The following LOXL4 variants were observed in gnomAD, a reference collection of about 807,000 sequenced individuals.
The protein encoded by LOXL4 is lysyl oxidase homolog 4.
In LOXL4, 72 loss-of-function variants were observed where a neutral mutation model predicts 89.1. The observed-to-expected ratio is 0.81, with a 90% CI of 0.67 to 0.98. LOXL4 has a LOEUF of 0.98. LOXL4 is among the 50% of genes least tolerant of loss of function. LOXL4 has a pLI of 0.00. For synonymous variants in LOXL4, 355 were observed against 392.1 expected (o/e 0.91, Z 1.12); for missense variants, 984 against 1,017.5 (o/e 0.97, Z 0.45).
At position 98,253,667 on chromosome 10, in the gene LOXL4, C is replaced by G. The variant is rs1858272064; in HGVS notation, c.1721G>C (p.Trp574Ser). ...CAATAGGCGGCGGTATCCGTAGGGC[C>G]AGTCCATGTGATCCGCAGACTTGGA... ...CLSKSADHMDWPYGYRRLLRF... is the reference protein window; with the variant it reads ...CLSKSADHMDSPYGYRRLLRF... The change falls in exon 11 of 15, where the codon TGG (tryptophan) becomes TCG (serine). Residue 574 changes from tryptophan (W) to serine (S), a missense_variant. Physicochemically the swap from Trp to Ser is radical, Grantham distance 177. Transcript: ENST00000260702. 1.9e-6 allele frequency: 3 copies of G among 1,614,268 alleles called. 1 individual carries two copies.
In LOXL4 at chr10:98,253,616, A is replaced by G. The variant is rs763665775; in HGVS notation, c.1772T>C (p.Leu591Pro). 6.8e-6 allele frequency: 11 copies of G among 1,614,262 alleles called. No homozygotes were observed. Among genetic ancestry groups the G allele is most frequent in the South Asian group, 1.1e-5 (1 of 91,084 alleles). The change falls in exon 11 of 15, where the codon CTG becomes CCG. Residue 591 changes from leucine to proline, a missense_variant. By Grantham distance (98) the Leu-to-Pro change is moderately conservative. Coordinates refer to ENST00000260702, the MANE Select transcript of LOXL4 (RefSeq NM_032211.7). ...LLRFSTQIYN[L>P]GRTDFRPKTG... ...CTTTGGACGAAAGTCAGTCCGGCCC[A>G]GATTGTAGATCTGTGTGGAGAAGCG...
intron 14 of LOXL4, among the ~76,000 whole-genome samples, chr10:98,250,703 G>A (rs756904227): frequency 7.9e-5 from 12 of 152,182 alleles, no homozygotes; most frequent in Middle Eastern, 3.2e-3. Context: ...TGCCTGTGAG[G>A]ACCCTAACCC....
chr10:98,262,329 G>T, intron 2 of LOXL4, 116 bp from the exon 3 acceptor site: 1 of 1,099,672 alleles, frequency 9.1e-7, no homozygotes, highest in Non-Finnish European at 1.3e-6. Context: ...GGAGAAAGTG[G>T]CAGGGAGGAG....
chr10:98,250,290 G>C (rs1470650951), intron 14 of LOXL4, among the ~76,000 whole-genome samples: 2 of 152,156 alleles, frequency 1.3e-5, no homozygotes, highest in Non-Finnish European at 2.9e-5. Flanking sequence ...TTCTGTCTGT[G>C]CTTGCTCAGC....
At chr10:98,266,723 C>G (rs1327869981) in intron 1 of LOXL4, among the ~76,000 whole-genome samples, 3 of 152,148 alleles carry the variant, frequency 2.0e-5, no homozygotes, top group Non-Finnish European at 2.9e-5. Flanking sequence ...CTCCCAGCCT[C>G]CAAGCCTTTG....
chr10:98,263,023 G>A lies in LOXL4; in HGVS notation c.-4C>T, dbSNP rs761688892. On this transcript the variant is annotated 5_prime_UTR_variant, in exon 2 of 15. Coordinates refer to ENST00000260702, the MANE Select transcript of LOXL4 (RefSeq NM_032211.7). The stretch of plus-strand genomic sequence containing the variant: ...TGGCTGGTGGGGACCACGCCATGGT[G>A]ACTTCAAGGACAGCTGAGGCCAAGA... 1.2e-6 allele frequency: 2 copies of A among 1,611,430 alleles called. No individual in the cohort carries two copies. The highest frequency in any genetic ancestry group is 2.7e-5 in the African/African-American group (2 of 74,892).
At chr10:98,261,221 G>A (rs1858531391) in intron 3 of LOXL4, 94 bp from the exon 4 acceptor site, 2 of 1,363,268 alleles carry the variant, frequency 1.5e-6, no homozygotes, top group Admixed American at 1.9e-5. Context: ...GGGGCTTGGA[G>A]CTTTTCGAGA....
intron 6 of LOXL4, among the ~76,000 whole-genome samples, chr10:98,258,697 A>G (rs1283987002): frequency 6.6e-6 from 1 of 152,082 alleles, no homozygotes; most frequent in African/African-American, 2.4e-5. Flanking sequence ...CTCCTCTTTA[A>G]AACAAAGGAG....
chr10:98,259,648 A>C (rs903288337), intron 4 of LOXL4, among the ~76,000 whole-genome samples: 1 of 152,236 alleles, frequency 6.6e-6, no homozygotes, highest in Non-Finnish European at 1.5e-5. Context: ...TCCCTCGGCC[A>C]GTCCTAGAGT....
chr10:98,255,748 ACAGC>A lies in LOXL4; in HGVS notation c.1429-13_1429-10del, dbSNP rs1284778773. 8 of 1,606,388 alleles carry A rather than the reference ACAGC, an allele frequency of 5.0e-6. No individual in the cohort carries two copies. The highest frequency in any genetic ancestry group is 6.8e-6 in the Non-Finnish European group (8 of 1,173,812). On this transcript the variant is annotated splice_polypyrimidine_tract_variant and intron_variant, in intron 9 of 14. Transcript: ENST00000260702. ...GACCAGAACCAGGTTTCCTAAGAAG[ACAGC>A]CAGCGTCACCCAGTCAGCGTGCCTT...
At chr10:98,264,759 C>A (rs1023882343) in intron 1 of LOXL4, among the ~76,000 whole-genome samples, 4 of 152,158 alleles carry the variant, frequency 2.6e-5, no homozygotes, top group Non-Finnish European at 5.9e-5. Context: ...GCTCCTCCAC[C>A]CCAAGGCTCT....
At chr10:98,251,779 A>G in intron 12 of LOXL4, 77 bp from the exon 13 acceptor site, 2 of 1,542,618 alleles carry the variant, frequency 1.3e-6, no homozygotes, top group Admixed American at 1.8e-5. Flanking sequence ...TTACCAGTTC[A>G]GTGTCATCAT....
intron 3 of LOXL4, among the ~76,000 whole-genome samples, 191 bp from the exon 4 acceptor site, chr10:98,261,318 C>T (rs530375142): frequency 6.6e-6 from 1 of 152,340 alleles, no homozygotes; most frequent in African/African-American, 2.4e-5. Flanking sequence ...AGAGTAAGTG[C>T]AAGGCAGAAC....
Position 98,247,723 on chromosome 10 carries a change from G to C in LOXL4, c.*1198C>G, listed in dbSNP as rs889344430. On this transcript the variant is annotated 3_prime_UTR_variant, in exon 15 of 15. Coordinates refer to ENST00000260702, the MANE Select transcript of LOXL4 (RefSeq NM_032211.7). The stretch of plus-strand genomic sequence containing the variant: ...AGTCCATAATGAGCAACTTTTATTG[G>C]CATTAGGGTGTCAGTCCTGTAAGGA... 7 of 152,114 alleles carry C rather than the reference G, an allele frequency of 4.6e-5. No homozygotes were observed. The highest frequency in any genetic ancestry group is 1.7e-4 in the African/African-American group (7 of 41,406). The allele number at this position is 152,114 out of a possible 1,614,324, so 9.4% of individuals were successfully genotyped here. A position where few individuals can be genotyped will look rare whatever the true frequency, so the allele number is the denominator to read the frequency against.
intron 6 of LOXL4, 35 bp from the exon 7 acceptor site, chr10:98,258,199 G>A: frequency 6.3e-7 from 1 of 1,581,660 alleles, no homozygotes; most frequent in Admixed American, 1.7e-5. Context: ...GACGGCTGAG[G>A]AGGAGGCACC....
At chr10:98,260,414 A>G (rs1858502970) in intron 4 of LOXL4, among the ~76,000 whole-genome samples, 2 of 150,740 alleles carry the variant, frequency 1.3e-5, no homozygotes, top group Non-Finnish European at 2.9e-5. Flanking sequence ...TATCTGCAGG[A>G]AAGTCTAGTG....
At chr10:98,258,671 A>C (rs1042370002) in intron 6 of LOXL4, among the ~76,000 whole-genome samples, 2 of 152,128 alleles carry the variant, frequency 1.3e-5, no homozygotes, top group Non-Finnish European at 2.9e-5. Flanking sequence ...CTACCACCTC[A>C]TAAGCACTTG....
At chr10:98,259,307 G>A in intron 5 of LOXL4, 79 bp from the exon 6 acceptor site, 1 of 1,574,996 alleles carries the variant, frequency 6.3e-7, no homozygotes, top group Admixed American at 1.7e-5. Context: ...AGGTAGAAAG[G>A]AGGGAAGGGG....
rs1858079466 is a variant in LOXL4, at chr10:98,247,830, G to A, written c.*1091C>T. ...ATGGGGTTTTATTCCACTTGAGCAA[G>A]AGCAAATCAGAGCCCCATCAAGCAG... On this transcript the variant is annotated 3_prime_UTR_variant, in exon 15 of 15. Transcript: ENST00000260702. The A allele has an allele frequency of 6.6e-6, 1 of 152,334 alleles. No individual in the cohort carries two copies. The highest frequency in any genetic ancestry group is 2.1e-4 in the South Asian group (1 of 4,828). 9.4% of individuals were successfully genotyped at this position (152,334 alleles called of 1,614,324 possible). A position where few individuals can be genotyped will look rare whatever the true frequency, so the allele number is the denominator to read the frequency against.
Sources: allele counts gnomAD v4.1 joint callset (sites outside exome capture counted in the v4.1 genomes callset), GRCh38; gene constraint gnomAD v4.1.1; transcripts MANE v1.5; gene names NCBI Gene and HGNC (gene_info 2026-07-23, HGNC 2026-07-21).